ATL2: variants seen among roughly 807,000 people sequenced by gnomAD.
The protein encoded by ATL2 is atlastin GTPase 2, also known as atlastin-2.
ATL2 carries 31 observed loss-of-function variants against 73.9 expected under a neutral mutation model. That is an observed-to-expected ratio of 0.42 (90% CI 0.32 to 0.57). The LOEUF (loss-of-function observed/expected upper bound fraction) is 0.57, where lower values mean the gene tolerates loss of function less well. Among genes scored for constraint, ATL2 ranks in the 20% least tolerant of loss-of-function variants. The pLI, the probability that ATL2 is intolerant of heterozygous loss-of-function variation, is 0.14. For missense variants in ATL2, 738 were observed against 702.6 expected, an observed-to-expected ratio of 1.05 and a Z score of -0.57; for synonymous variants, 291 against 237.5, an observed-to-expected ratio of 1.23 and a Z score of -2.07.
intron 2 of ATL2, among the ~76,000 whole-genome samples, chr2:38,325,699 TACACACACACACACACAC>T (rs1221635411): frequency 6.8e-3 from 77 of 11,308 alleles, no homozygotes; most frequent in African/African-American, 0.014. Flanking sequence ...CACACACCAG[TACACACACACACACACAC>T]ACACACACAC....
intron 7 of ATL2, among the ~76,000 whole-genome samples, 174 bp from the exon 8 acceptor site, chr2:38,310,621 A>G (rs1192467369): frequency 2.0e-5 from 3 of 149,480 alleles, no homozygotes; most frequent in Non-Finnish European, 4.4e-5. Context: ...CACTTTGTTA[A>G]GACCCCACTT....
rs1364292084 is a variant in ATL2 at position 38,310,218 on chromosome 2, G to T, written c.943+91C>A. On this transcript the variant is annotated intron_variant, in intron 8 of 12. Transcript: ENST00000378954. ...TGCATCCAAACATTCTCCAGTATAA[G>T]ACAGGACATTTAAGGCGTCATGTAT... 4 of 1,404,290 alleles carry T rather than the reference G, an allele frequency of 2.8e-6. No homozygotes were observed. In the East Asian group the frequency reaches 6.9e-5, roughly 24 times the overall value. The allele number at this position is 1,404,290 out of a possible 1,614,324, so 87.0% of individuals were successfully genotyped here. A position where few individuals can be genotyped will look rare whatever the true frequency, so the allele number is the denominator to read the frequency against.
intron 1 of ATL2, among the ~76,000 whole-genome samples, chr2:38,369,476 C>T (rs950323356): frequency 6.7e-5 from 10 of 150,028 alleles, no homozygotes; most frequent in African/African-American, 1.7e-4. Context: ...TTAGTAGAGA[C>T]GGGGTTTCAC....
chr2:38,303,126 G>A (rs950334486), intron 9 of ATL2, among the ~76,000 whole-genome samples: 2 of 152,160 alleles, frequency 1.3e-5, no homozygotes, highest in Admixed American at 6.5e-5. Flanking sequence ...CAAAGAGACT[G>A]AAATAATTAT....
In ATL2 at chr2:38,295,905, T is replaced by C. The variant is rs961910542; in HGVS notation, c.*89A>G. 1.1e-5 allele frequency: 12 copies of C among 1,116,612 alleles called. No individual in the cohort carries two copies. The highest frequency in any genetic ancestry group is 1.6e-5 in the African/African-American group (1 of 63,206). The allele number at this position is 1,116,612 out of a possible 1,614,324, so 69.2% of individuals were successfully genotyped here. ...TACACTAAACTACTTCTACAGTTGA[T>C]TGTAAACTTTGGTTTATTTTTATTT... On this transcript the variant is annotated 3_prime_UTR_variant, in exon 13 of 13. Transcript: ENST00000378954.
intron 2 of ATL2, among the ~76,000 whole-genome samples, chr2:38,324,168 C>T (rs1486621728): frequency 1.3e-5 from 2 of 152,156 alleles, no homozygotes; most frequent in African/African-American, 4.8e-5. Context: ...ATCTCAGCTA[C>T]TCGGGAGGCT....
chr2:38,339,164 C>T (rs933621998), intron 2 of ATL2, among the ~76,000 whole-genome samples: 4 of 151,924 alleles, frequency 2.6e-5, no homozygotes, highest in African/African-American at 4.8e-5. Flanking sequence ...TGCAGTGAGC[C>T]GAGACTGCGC....
At chr2:38,342,956 T>G (rs577920611) in intron 2 of ATL2, among the ~76,000 whole-genome samples, 17 of 147,004 alleles carry the variant, frequency 1.2e-4, no homozygotes, top group Admixed American at 2.8e-4. Context: ...GACAACAAAG[T>G]GAGACCCCCA....
chr2:38,354,783 G>A (rs1280509840), intron 1 of ATL2, among the ~76,000 whole-genome samples: 1 of 151,984 alleles, frequency 6.6e-6, no homozygotes, highest in Non-Finnish European at 1.5e-5. Context: ...CCAGTTACTC[G>A]GGAAGCTGAG....
At chr2:38,312,641 G>A (rs969742942) in intron 7 of ATL2, among the ~76,000 whole-genome samples, 15 of 151,398 alleles carry the variant, frequency 9.9e-5, no homozygotes, top group Non-Finnish European at 1.6e-4. Context: ...CCCGGGAAGC[G>A]GAGGTTGCAG....
At chr2:38,347,184 A>C (rs1414415514) in intron 1 of ATL2, among the ~76,000 whole-genome samples, 1 of 152,208 alleles carries the variant, frequency 6.6e-6, no homozygotes, top group East Asian at 1.9e-4. Flanking sequence ...TAAATACCTT[A>C]CCATGGCTTC....
intron 6 of ATL2, among the ~76,000 whole-genome samples, chr2:38,313,990 C>G (rs1241513752): frequency 2.0e-5 from 3 of 152,214 alleles, no homozygotes; most frequent in African/African-American, 7.2e-5. Context: ...TAAAAGTGAC[C>G]ATACTAGCCA....
At chr2:38,370,965 A>C (rs555636866) in intron 1 of ATL2, among the ~76,000 whole-genome samples, 3 of 150,142 alleles carry the variant, frequency 2.0e-5, no homozygotes, top group Admixed American at 6.6e-5. Flanking sequence ...CTCGGGGGGG[A>C]AAAAAATAAG....
intron 7 of ATL2, 84 bp downstream of exon 7, chr2:38,313,067 G>C: frequency 1.1e-6 from 1 of 876,980 alleles, no homozygotes; most frequent in Non-Finnish European, 1.8e-6. Flanking sequence ...CGTAAATACT[G>C]GTAATGTGAC....
chr2:38,298,633 T>C, intron 11 of ATL2, 58 bp from the exon 12 acceptor site: 1 of 1,529,742 alleles, frequency 6.5e-7, no homozygotes, highest in South Asian at 1.3e-5. Context: ...TGAAAGAAGT[T>C]CCTGTTCATA....
intron 7 of ATL2, among the ~76,000 whole-genome samples, chr2:38,312,588 G>A (rs1256297953): frequency 6.6e-6 from 1 of 151,960 alleles, no homozygotes; most frequent in Non-Finnish European, 1.5e-5. Context: ...GCGGGCGCCT[G>A]TAATCCCAGC....
At chr2:38,362,420 A>G (rs973859742) in intron 1 of ATL2, among the ~76,000 whole-genome samples, 2 of 152,216 alleles carry the variant, frequency 1.3e-5, no homozygotes, top group African/African-American at 4.8e-5. Flanking sequence ...TTAATTAGCC[A>G]CAGCCACACC....
At chr2:38,351,304 G>A (rs62144723) in intron 1 of ATL2, among the ~76,000 whole-genome samples, 3 of 152,004 alleles carry the variant, frequency 2.0e-5, no homozygotes, top group Non-Finnish European at 4.4e-5. Flanking sequence ...GAGGTTATAC[G>A]ATGGTTAAAT....
chr2:38,299,679 A>G (rs1210927485), intron 10 of ATL2, among the ~76,000 whole-genome samples: 1 of 152,200 alleles, frequency 6.6e-6, no homozygotes, highest in Non-Finnish European at 1.5e-5. Flanking sequence ...CTCTCTCATA[A>G]TCAGTATTAT....
Sources: gnomAD v4.1 joint callset for allele counts (sites outside exome capture counted in the v4.1 genomes callset) on GRCh38, gnomAD v4.1.1 for gene constraint, MANE v1.5 for transcripts, NCBI Gene and HGNC (gene_info 2026-07-23, HGNC 2026-07-21) for gene names.